The following LAMA2 variants were observed in gnomAD, a reference collection of about 807,000 sequenced individuals.
The protein encoded by LAMA2 is laminin subunit alpha 2.
Under a neutral mutation model 364.8 loss-of-function variants are expected in LAMA2, and 269 were observed. That is an observed-to-expected ratio of 0.74 (90% CI 0.67 to 0.82). The LOEUF (loss-of-function observed/expected upper bound fraction) is 0.82, where lower values mean the gene tolerates loss of function less well. Among genes scored for constraint, LAMA2 ranks in the 40% least tolerant of loss-of-function variants. LAMA2 has a pLI of 0.00. For missense variants in LAMA2, 3,807 were observed against 3,873.2 expected, an observed-to-expected ratio of 0.98 and a Z score of 0.45; for synonymous variants, 1,379 against 1,370.6, an observed-to-expected ratio of 1.01 and a Z score of -0.14.
intron 1 of LAMA2, among the ~76,000 whole-genome samples, chr6:128,967,408 T>C (rs1309172478): frequency 2.6e-5 from 4 of 152,056 alleles, no homozygotes; most frequent in Non-Finnish European, 5.9e-5. Flanking sequence ...TTGAGCAAAA[T>C]ATTTGTGCCA....
intron 58 of LAMA2, among the ~76,000 whole-genome samples, chr6:129,493,820 C>T (rs550588757): frequency 3.9e-5 from 6 of 152,212 alleles, no homozygotes; most frequent in East Asian, 3.9e-4. Context: ...TTTATTCTAG[C>T]GAGTCAGACT....
intron 34 of LAMA2, among the ~76,000 whole-genome samples, chr6:129,378,260 C>T (rs2114644207): frequency 6.6e-6 from 1 of 152,276 alleles, no homozygotes; most frequent in African/African-American, 2.4e-5. Flanking sequence ...TTTAATAAAA[C>T]ACAGAAAGAG....
At chr6:128,910,168 A>G (rs1048683162) in intron 1 of LAMA2, among the ~76,000 whole-genome samples, 2 of 152,016 alleles carry the variant, frequency 1.3e-5, no homozygotes, top group African/African-American at 4.8e-5. Context: ...TATTTCCTGA[A>G]TCTGAACGTT....
At chr6:129,368,170 TC>T (rs1777877560) in intron 33 of LAMA2, among the ~76,000 whole-genome samples, 1 of 152,180 alleles carries the variant, frequency 6.6e-6, no homozygotes, top group South Asian at 2.1e-4. Context: ...CTCAATCACT[TC>T]CCAAAGGCTC....
chr6:129,443,823 T>A (rs1286756183), intron 44 of LAMA2, among the ~76,000 whole-genome samples: 1 of 152,230 alleles, frequency 6.6e-6, no homozygotes, highest in East Asian at 1.9e-4. Context: ...TATCACTATT[T>A]GAAAAATATG....
intron 4 of LAMA2, among the ~76,000 whole-genome samples, chr6:129,108,565 C>G (rs1164569873): frequency 2.0e-5 from 3 of 152,142 alleles, no homozygotes; most frequent in Middle Eastern, 3.4e-3. Context: ...CTACACACCC[C>G]ACCCATTCAA....
chr6:129,367,369 A>G (rs76125124), intron 33 of LAMA2, among the ~76,000 whole-genome samples: 4,683 of 152,300 alleles, frequency 0.031, 209 homozygotes, highest in African/African-American at 0.1. Flanking sequence ...TGTAGATTCT[A>G]TGTGCTTTAA....
intron 1 of LAMA2, among the ~76,000 whole-genome samples, chr6:128,956,823 A>T (rs1333362429): frequency 6.6e-6 from 1 of 151,228 alleles, no homozygotes; most frequent in African/African-American, 2.4e-5. Flanking sequence ...TTTTTTTTTT[A>T]AAGGAACACC....
chr6:129,468,977 T>C (rs1783678900), intron 51 of LAMA2, among the ~76,000 whole-genome samples: 1 of 151,842 alleles, frequency 6.6e-6, no homozygotes, highest in South Asian at 2.1e-4. Context: ...GTGGAAGCAG[T>C]TGCAGGCGAT....
intron 29 of LAMA2, among the ~76,000 whole-genome samples, chr6:129,330,338 A>G (rs1775555257): frequency 6.6e-6 from 1 of 151,866 alleles, no homozygotes; most frequent in Admixed American, 6.6e-5. Context: ...GCTCTACAGC[A>G]CCCAGCTTTG....
chr6:128,957,669 A>G (rs1241040239), intron 1 of LAMA2, among the ~76,000 whole-genome samples: 1 of 97,106 alleles, frequency 1.0e-5, no homozygotes, highest in Non-Finnish European at 2.2e-5. Flanking sequence ...ACCCTTTTCT[A>G]TGATGGCCAG....
chr6:129,405,988 T>G (rs1473489737), intron 40 of LAMA2, among the ~76,000 whole-genome samples: 8 of 151,834 alleles, frequency 5.3e-5, no homozygotes, highest in Non-Finnish European at 1.0e-4. Context: ...AAGAAACAAT[T>G]TATACATTTG....
rs1352968719 is a variant in LAMA2, at chr6:129,475,408, T to C, written c.7451+7T>C. ...TATCTAGTATGAAAGCAAGGTAAAA[T>C]TTAAATTTATGCATGCCTTCTTCGA... On this transcript the variant is annotated splice_region_variant and intron_variant, in intron 53 of 64. Coordinates refer to ENST00000421865, the MANE Select transcript of LAMA2 (RefSeq NM_000426.4). The C allele has an allele frequency of 6.4e-7, 1 of 1,571,470 alleles. No homozygotes were observed. Among genetic ancestry groups the C allele is most frequent in the East Asian group, 2.3e-5 (1 of 44,406 alleles).
At chr6:129,050,121 G>A (rs1399381539) in intron 2 of LAMA2, 33 bp downstream of exon 2, 4 of 1,610,054 alleles carry the variant, frequency 2.5e-6, no homozygotes, top group Non-Finnish European at 3.4e-6. Flanking sequence ...GTGTGGCGCT[G>A]GGTAGGATCT....
chr6:128,944,265 T>G (rs1780359013), intron 1 of LAMA2, among the ~76,000 whole-genome samples: 1 of 152,146 alleles, frequency 6.6e-6, no homozygotes, highest in Admixed American at 6.5e-5. Context: ...ATTTTGGACT[T>G]GGGTTTAGAT....
intron 61 of LAMA2, among the ~76,000 whole-genome samples, chr6:129,505,721 G>C (rs995778101): frequency 7.9e-5 from 12 of 151,970 alleles, no homozygotes; most frequent in African/African-American, 2.4e-4. Flanking sequence ...TAATAGAGAC[G>C]GGGGGTTTCA....
At chr6:129,381,778 A>G (rs1231332977) in intron 34 of LAMA2, among the ~76,000 whole-genome samples, 1 of 150,758 alleles carries the variant, frequency 6.6e-6, no homozygotes, top group African/African-American at 2.4e-5. Flanking sequence ...TATTGTGTAT[A>G]TGTACTGCAA....
chr6:129,412,134 A>G (rs1780568855), intron 40 of LAMA2, among the ~76,000 whole-genome samples: 1 of 152,182 alleles, frequency 6.6e-6, no homozygotes, highest in Non-Finnish European at 1.5e-5. Context: ...AAGTGTATAT[A>G]TACACAGATA....
chr6:129,453,127 A>G lies in LAMA2; in HGVS notation c.6569A>G (p.Lys2190Arg), dbSNP rs1562577830. The change falls in exon 46 of 65, where the codon AAA becomes AGA. Residue 2190 changes from lysine to arginine, a missense_variant. Lys to Arg is a conservative substitution (Grantham distance 26). This residue lies in a region of LAMA2 where 3,333 missense variants were observed against 3,345.7 expected (regional missense o/e 1.00). Coordinates refer to ENST00000421865, the MANE Select transcript of LAMA2 (RefSeq NM_000426.4). ...DNLLFYLGSA[K>R]FIDFLAIEMR... ...CTCCTCTTTTATCTTGGAAGTGCCA[A>G]ATTTGTAAGTCTAATATTCAACTTT... 1 of 1,612,146 alleles carries G rather than the reference A, an allele frequency of 6.2e-7. No individual in the cohort carries two copies. The highest frequency in any genetic ancestry group is 1.3e-5 in the African/African-American group (1 of 74,856).
Sources: allele counts gnomAD v4.1 joint callset (sites outside exome capture counted in the v4.1 genomes callset), GRCh38; gene constraint gnomAD v4.1.1; regional missense constraint gnomAD v4.1.1; transcripts MANE v1.5; gene names NCBI Gene and HGNC (gene_info 2026-07-23, HGNC 2026-07-21).